The following MINDY2 variants were observed in gnomAD, a reference collection of about 807,000 sequenced individuals.
MINDY2 encodes the protein MINDY lysine 48 deubiquitinase 2, also known as ubiquitin carboxyl-terminal hydrolase MINDY-2.
A neutral mutation model predicts 68.2 loss-of-function variants in MINDY2; 52 were observed. The ratio of observed to expected loss-of-function variants is 0.76; its 90% CI spans 0.61 to 0.96. MINDY2 has a LOEUF of 0.96. Among genes scored for constraint, MINDY2 ranks in the 40% least tolerant of loss-of-function variants. MINDY2 has a pLI of 0.00. For missense variants in MINDY2, 881 were observed against 773.4 expected (o/e 1.14, Z -1.65); for synonymous variants, 372 against 303.0 (o/e 1.23, Z -2.36).
intron 7 of MINDY2, among the ~76,000 whole-genome samples, chr15:58,848,468 G>A (rs1595782626): frequency 6.6e-6 from 1 of 152,304 alleles, no homozygotes; most frequent in Non-Finnish European, 1.5e-5. Flanking sequence ...AATTCTCCGG[G>A]TGCGGTGGCT....
chr15:58,775,188 G>A (rs74334714), intron 1 of MINDY2, among the ~76,000 whole-genome samples: 1,655 of 152,266 alleles, frequency 0.011, 60 homozygotes, highest in East Asian at 0.078. Context: ...TTAATGCAAT[G>A]TGTGCCTCTG....
At chr15:58,798,747 C>T (rs529764046) in intron 2 of MINDY2, among the ~76,000 whole-genome samples, 4 of 152,152 alleles carry the variant, frequency 2.6e-5, no homozygotes, top group Admixed American at 6.5e-5. Context: ...TCAGCCACCA[C>T]GCCCAGCAAT....
intron 8 of MINDY2, among the ~76,000 whole-genome samples, chr15:58,852,922 G>GGTTTTTTTTTTTTTTTTTTTTT: frequency 2.0e-5 from 1 of 48,968 alleles, no homozygotes; most frequent in South Asian, 6.8e-4. Context: ...TGCTGTTCCT[G>GGTTTTTTTTTTTTTTTTTTTTT]TTTTTTTTTT....
At chr15:58,802,411 T>TA (rs1244909735) in intron 3 of MINDY2, 34 bp downstream of exon 3, 10 of 1,381,648 alleles carry the variant, frequency 7.2e-6, no homozygotes, top group Non-Finnish European at 9.9e-6. Flanking sequence ...TATATAATTT[T>TA]AAAGTTTAAA....
intron 1 of MINDY2, among the ~76,000 whole-genome samples, chr15:58,775,556 C>T (rs1223986411): frequency 1.3e-5 from 2 of 152,114 alleles, no homozygotes; most frequent in African/African-American, 4.8e-5. Context: ...ATGCAGATAG[C>T]GCTTTGGTTA....
intron 3 of MINDY2, among the ~76,000 whole-genome samples, chr15:58,807,687 A>T (rs992725558): frequency 6.6e-6 from 1 of 152,150 alleles, no homozygotes; most frequent in Non-Finnish European, 1.5e-5. Context: ...TTCCAGATGT[A>T]TATGACTACA....
At chr15:58,851,520 C>T (rs567352161) in intron 7 of MINDY2, among the ~76,000 whole-genome samples, 2 of 151,308 alleles carry the variant, frequency 1.3e-5, no homozygotes, top group South Asian at 2.1e-4. Context: ...CTCACTGTAA[C>T]CTCAAACTCC....
chr15:58,780,927 C>T (rs1901094312), intron 1 of MINDY2, among the ~76,000 whole-genome samples: 1 of 152,144 alleles, frequency 6.6e-6, no homozygotes, highest in African/African-American at 2.4e-5. Context: ...TCTCATCTTT[C>T]AAGCAATTAA....
intron 8 of MINDY2, among the ~76,000 whole-genome samples, chr15:58,853,693 A>C (rs2032940559): frequency 6.6e-6 from 1 of 151,398 alleles, no homozygotes; most frequent in Non-Finnish European, 1.5e-5. Context: ...GGTGGCGTGC[A>C]CCTGTAGTCC....
intron 4 of MINDY2, among the ~76,000 whole-genome samples, chr15:58,819,559 A>C (rs1267199678): frequency 1.3e-5 from 2 of 152,080 alleles, no homozygotes; most frequent in Non-Finnish European, 2.9e-5. Flanking sequence ...TGTTACTCAG[A>C]CTGGTCTTGA....
rs1414002045 is a variant in MINDY2 at position 58,858,194 on chromosome 15, T to C, written c.*3584T>C. 6.6e-6 allele frequency: 1 copy of C among 152,202 alleles called. No homozygotes were observed. The highest frequency in any genetic ancestry group is 1.5e-5 in the Non-Finnish European group (1 of 68,016). 9.4% of individuals were successfully genotyped at this position (152,202 alleles called of 1,614,324 possible). ...AAGTAACTTCTTCCATGTTTCAAGG[T>C]CAGGTTCAGAGTTGAATGAAGTGTA... On this transcript the variant is annotated 3_prime_UTR_variant, in exon 9 of 9. Coordinates refer to ENST00000559228, the MANE Select transcript of MINDY2 (RefSeq NM_001040450.3).
At chr15:58,815,663 T>A (rs12915713) in intron 4 of MINDY2, 29,472 of 151,892 alleles carry the variant, frequency 0.19, 3,013 homozygotes, top group South Asian at 0.36. Flanking sequence ...AGAAAGGATA[T>A]TATTTCCTTC....
chr15:58,814,598 C>G (rs1402518809), intron 4 of MINDY2, among the ~76,000 whole-genome samples: 2 of 138,802 alleles, frequency 1.4e-5, no homozygotes, highest in African/African-American at 2.9e-5. Context: ...AGGCTGGTCT[C>G]GAACTCCTGG....
Position 58,772,042 on chromosome 15 carries a change from C to T in MINDY2, c.647C>T (p.Pro216Leu). The stretch of plus-strand genomic sequence containing the variant: ...GCGGCGGTGTTGCCCGGGGCTGTTC[C>T]TCTGTGCAAGGAGGAGGAGGGGGAG... ...EGAAVLPGAV[P>L]LCKEEEGEET... Residue 216 changes from proline (P) to leucine (L), a missense_variant, in exon 1 of 9, where the codon CCT becomes CTT. Coordinates refer to ENST00000559228, the MANE Select transcript of MINDY2 (RefSeq NM_001040450.3). The T allele has an allele frequency of 1.9e-6, 3 of 1,606,380 alleles. No individual in the cohort carries two copies. Among genetic ancestry groups the T allele is most frequent in the Non-Finnish European group, 2.6e-6 (3 of 1,176,092 alleles).
chr15:58,804,084 G>A (rs1050375060), intron 3 of MINDY2, among the ~76,000 whole-genome samples: 4 of 151,658 alleles, frequency 2.6e-5, no homozygotes, highest in East Asian at 1.9e-4. Flanking sequence ...AGCCGAGATC[G>A]CGCCACTGCA....
chr15:58,847,825 CAA>C (rs1877849037), intron 7 of MINDY2, among the ~76,000 whole-genome samples: 1 of 152,124 alleles, frequency 6.6e-6, no homozygotes, highest in Non-Finnish European at 1.5e-5. Flanking sequence ...TAAGCAGAGA[CAA>C]ATAGTCCAAG....
At chr15:58,800,116 T>C (rs1902541609) in intron 2 of MINDY2, among the ~76,000 whole-genome samples, 1 of 152,238 alleles carries the variant, frequency 6.6e-6, no homozygotes, top group Non-Finnish European at 1.5e-5. Context: ...TTTTTCCAAA[T>C]GTTCACCTGG....
intron 5 of MINDY2, among the ~76,000 whole-genome samples, chr15:58,830,075 A>G (rs1444194857): frequency 1.3e-5 from 2 of 152,146 alleles, no homozygotes; most frequent in African/African-American, 2.4e-5. Context: ...ACTTACTCCA[A>G]AAGGAAGGAG....
intron 4 of MINDY2, among the ~76,000 whole-genome samples, chr15:58,820,143 G>A (rs2030966880): frequency 6.6e-6 from 1 of 152,100 alleles, no homozygotes; most frequent in Non-Finnish European, 1.5e-5. Context: ...GCGTGCACCT[G>A]TAGTCTCAGC....
Sources: gnomAD v4.1 joint callset for allele counts (sites outside exome capture counted in the v4.1 genomes callset) on GRCh38, gnomAD v4.1.1 for gene constraint, MANE v1.5 for transcripts, NCBI Gene and HGNC (gene_info 2026-07-23, HGNC 2026-07-21) for gene names.